The following NSL1 variants were observed in gnomAD, a reference collection of about 807,000 sequenced individuals.
NSL1 encodes kinetochore-associated protein NSL1 homolog.
NSL1 carries 11 observed loss-of-function variants against 25.4 expected under a neutral mutation model. The observed-to-expected ratio is 0.43, with a 90% CI of 0.27 to 0.72. The LOEUF (loss-of-function observed/expected upper bound fraction) is 0.72, where lower values mean the gene tolerates loss of function less well. NSL1 is among the 30% of genes least tolerant of loss of function. NSL1 has a pLI of 0.19. For synonymous variants in NSL1, 118 were observed against 120.6 expected, an observed-to-expected ratio of 0.98 and a Z score of 0.14; for missense variants, 330 against 342.7, an observed-to-expected ratio of 0.96 and a Z score of 0.29.
intron 4 of NSL1, among the ~76,000 whole-genome samples, chr1:212,772,334 A>C (rs536792966): frequency 6.6e-6 from 1 of 152,224 alleles, no homozygotes; most frequent in East Asian, 1.9e-4. Context: ...ATTCCTACCA[A>C]AATACCAATA....
chr1:212,727,301 C>G lies in NSL1; in HGVS notation c.*11107G>C, dbSNP rs1020595358. 4.6e-6 allele frequency: 6 copies of G among 1,300,990 alleles called. No individual in the cohort carries two copies. In the African/African-American group the frequency reaches 9.2e-5, roughly 20 times the overall value. 80.6% of individuals were successfully genotyped at this position (1,300,990 alleles called of 1,614,324 possible). ...TCACAACCCTTTGTTCCAGGCAGGG[C>G]CCAGGATCCCCTTCCAAATTACTGA... On this transcript the variant is annotated 3_prime_UTR_variant, in exon 6 of 6. Transcript: ENST00000366977.
rs1658051326 is a variant in NSL1, at chr1:212,732,229, T to C, written c.*6179A>G. The C allele has an allele frequency of 1.0e-6, 1 of 982,028 alleles. No individual in the cohort carries two copies. Among genetic ancestry groups the C allele is most frequent in the Non-Finnish European group, 1.2e-6 (1 of 826,908 alleles). The allele number at this position is 982,028 out of a possible 1,614,324, so 60.8% of individuals were successfully genotyped here. A position where few individuals can be genotyped will look rare whatever the true frequency, so the allele number is the denominator to read the frequency against. ...ATCATATTACAAAACATCTCCTTTA[T>C]ACAATTTTCTGCATAGTTAACATTA... On this transcript the variant is annotated 3_prime_UTR_variant, in exon 6 of 6. Coordinates refer to ENST00000366977, the MANE Select transcript of NSL1 (RefSeq NM_015471.4).
In NSL1 at chr1:212,731,012, G is replaced by A. The variant is rs1437872976; in HGVS notation, c.*7396C>T. On this transcript the variant is annotated 3_prime_UTR_variant, in exon 6 of 6. Transcript: ENST00000366977. ...ATGAGCAATGTAGAGACACAGCAAC[G>A]AATTACAAGGGATTCTTTACCCCTG... 6.1e-6 allele frequency: 6 copies of A among 985,344 alleles called. No individual in the cohort carries two copies. The highest frequency in any genetic ancestry group is 1.1e-4 in the East Asian group (1 of 8,822). The allele number at this position is 985,344 out of a possible 1,614,324, so 61.0% of individuals were successfully genotyped here.
At position 212,730,418 on chromosome 1, in the gene NSL1, A is replaced by C; in HGVS notation, c.*7990T>G. 1.0e-6 allele frequency: 1 copy of C among 985,284 alleles called. No homozygotes were observed. The highest frequency in any genetic ancestry group is 4.7e-5 in the South Asian group (1 of 21,270). 61.0% of individuals were successfully genotyped at this position (985,284 alleles called of 1,614,324 possible). ...GGGCCACAGAGCTACATGAATGGGC[A>C]CCAAGGGAGGTCTTAAAATCTGCAA... is the stretch of plus-strand genomic sequence containing the variant. On this transcript the variant is annotated 3_prime_UTR_variant, in exon 6 of 6. Transcript: ENST00000366977.
At chr1:212,776,318 G>A (rs1000778212) in intron 4 of NSL1, among the ~76,000 whole-genome samples, 3 of 151,484 alleles carry the variant, frequency 2.0e-5, no homozygotes, top group South Asian at 2.1e-4. Context: ...AACCAAGATC[G>A]CGCCATTGCA....
At chr1:212,769,608 T>C (rs1250005275) in intron 4 of NSL1, among the ~76,000 whole-genome samples, 1 of 152,160 alleles carries the variant, frequency 6.6e-6, no homozygotes. Context: ...CTCCAAAAAA[T>C]GCTTAAGGAA....
Position 212,787,544 on chromosome 1 carries a change from G to T in NSL1, c.313+15C>A, listed in dbSNP as rs745359501. The T allele has an allele frequency of 6.4e-7, 1 of 1,565,384 alleles. No homozygotes were observed. Among genetic ancestry groups the T allele is most frequent in the Admixed American group, 2.0e-5 (1 of 50,242 alleles). On this transcript the variant is annotated intron_variant, in intron 2 of 5. Transcript: ENST00000366977. ...ATAACCCAGAAATTAATAATGGAAG[G>T]AAAAAGTCACATACCCATAAAACAA...
intron 4 of NSL1, among the ~76,000 whole-genome samples, chr1:212,744,706 A>G (rs1281458735): frequency 1.3e-5 from 2 of 152,232 alleles, no homozygotes; most frequent in Non-Finnish European, 2.9e-5. Context: ...GCTAAAAAGT[A>G]TAATAACTGA....
Position 212,728,090 on chromosome 1 carries a change from C to G in NSL1, c.*10318G>C. ...CAGGCACTTCCCTTCTCATCTCCAC[C>G]TCTTTCTCATGAAATGGGCGTGGTA... On this transcript the variant is annotated 3_prime_UTR_variant, in exon 6 of 6. Transcript: ENST00000366977. 2.0e-6 allele frequency: 2 copies of G among 984,108 alleles called. No individual in the cohort carries two copies. Among genetic ancestry groups the G allele is most frequent in the African/African-American group, 1.7e-5 (1 of 57,314 alleles). 61.0% of individuals were successfully genotyped at this position (984,108 alleles called of 1,614,324 possible).
At position 212,732,588 on chromosome 1, in the gene NSL1, C is replaced by T. The variant is rs1658069378; in HGVS notation, c.*5820G>A. The T allele has an allele frequency of 7.1e-6, 7 of 984,428 alleles. No individual in the cohort carries two copies. Among genetic ancestry groups the T allele is most frequent in the Non-Finnish European group, 8.4e-6 (7 of 829,150 alleles). The allele number at this position is 984,428 out of a possible 1,614,324, so 61.0% of individuals were successfully genotyped here. On this transcript the variant is annotated 3_prime_UTR_variant, in exon 6 of 6. Transcript: ENST00000366977. ...GGATTACAGGTGTGAGCCACCGCAC[C>T]CGGCCTACATAGTCTTATTCCAACC...
At chr1:212,779,433 G>C (rs12759411) in intron 4 of NSL1, among the ~76,000 whole-genome samples, 1 of 134,926 alleles carries the variant, frequency 7.4e-6, no homozygotes, top group African/African-American at 2.9e-5. Context: ...GGTGAGGGGC[G>C]CCTCTGCCCG....
At position 212,731,424 on chromosome 1, in the gene NSL1, C is replaced by T. The variant is rs113374255; in HGVS notation, c.*6984G>A. On this transcript the variant is annotated 3_prime_UTR_variant, in exon 6 of 6. Transcript: ENST00000366977. ...TAAACTAGCCGGGCATGGTGGCACA[C>T]GCCTGTTTTGAAACCCTGAGAAAGC... 3,277 of 985,224 alleles carry T rather than the reference C, an allele frequency of 3.3e-3. 87 individuals are homozygous for T. The African/African-American group carries it at 0.054, about 16-fold the overall frequency. 61.0% of individuals were successfully genotyped at this position (985,224 alleles called of 1,614,324 possible). A position where few individuals can be genotyped will look rare whatever the true frequency, so the allele number is the denominator to read the frequency against.
chr1:212,752,020 C>A (rs1298367805), intron 4 of NSL1, among the ~76,000 whole-genome samples: 1 of 152,186 alleles, frequency 6.6e-6, no homozygotes, highest in East Asian at 1.9e-4. Flanking sequence ...TTCTCAATGT[C>A]TTCTCTCTAG....
At chr1:212,759,329 G>A (rs1431116627) in intron 4 of NSL1, among the ~76,000 whole-genome samples, 1 of 152,172 alleles carries the variant, frequency 6.6e-6, no homozygotes, top group East Asian at 1.9e-4. Context: ...GGACTAAACA[G>A]TGGGTAGATA....
intron 4 of NSL1, among the ~76,000 whole-genome samples, chr1:212,755,896 T>A (rs1271440221): frequency 6.6e-6 from 1 of 152,184 alleles, no homozygotes; most frequent in Admixed American, 6.5e-5. Context: ...ATGGAGGATG[T>A]CTACCATAAA....
At position 212,736,985 on chromosome 1, in the gene NSL1, C is replaced by T; in HGVS notation, c.*1423G>A. 1 of 984,428 alleles carries T rather than the reference C, an allele frequency of 1.0e-6. No homozygotes were observed. The highest frequency in any genetic ancestry group is 4.7e-5 in the South Asian group (1 of 21,260). The allele number at this position is 984,428 out of a possible 1,614,324, so 61.0% of individuals were successfully genotyped here. A position where few individuals can be genotyped will look rare whatever the true frequency, so the allele number is the denominator to read the frequency against. On this transcript the variant is annotated 3_prime_UTR_variant, in exon 6 of 6. Transcript: ENST00000366977. ...GACCTCTGAAGTGAAACAAATCATA[C>T]AGAATTTTAATACTATAAAAACATT... is the stretch of plus-strand genomic sequence containing the variant.
rs902002059 is a variant in NSL1, at chr1:212,732,230, A to G, written c.*6178T>C. Reference sequence around the variant, plus strand: ...TCATATTACAAAACATCTCCTTTATACAATTTTCTGCATAGTTAACATTAT... The same window carrying G: ...TCATATTACAAAACATCTCCTTTATGCAATTTTCTGCATAGTTAACATTAT... On this transcript the variant is annotated 3_prime_UTR_variant, in exon 6 of 6. Transcript: ENST00000366977. 8.1e-6 allele frequency: 8 copies of G among 981,598 alleles called. No individual in the cohort carries two copies. The highest frequency in any genetic ancestry group is 9.7e-6 in the Non-Finnish European group (8 of 826,960). The allele number at this position is 981,598 out of a possible 1,614,324, so 60.8% of individuals were successfully genotyped here. A position where few individuals can be genotyped will look rare whatever the true frequency, so the allele number is the denominator to read the frequency against.
At chr1:212,770,048 A>C (rs1388086597) in intron 4 of NSL1, among the ~76,000 whole-genome samples, 1 of 152,210 alleles carries the variant, frequency 6.6e-6, no homozygotes, top group African/African-American at 2.4e-5. Context: ...GGGAGTAGCT[A>C]TACTTAGATC....
Position 212,730,653 on chromosome 1 carries a change from C to T in NSL1, c.*7755G>A, listed in dbSNP as rs892225597. 9.2e-5 allele frequency: 91 copies of T among 985,248 alleles called. No homozygotes were observed. The highest frequency in any genetic ancestry group is 1.2e-4 in the African/African-American group (7 of 57,214). 61.0% of individuals were successfully genotyped at this position (985,248 alleles called of 1,614,324 possible). On this transcript the variant is annotated 3_prime_UTR_variant, in exon 6 of 6. Transcript: ENST00000366977. ...AAAAGGTGATCAGAAGGCAACTATA[C>T]CTGCTAGCACAGTGATGTCACTGAG...
Sources: gnomAD v4.1 joint callset for allele counts (sites outside exome capture counted in the v4.1 genomes callset) on GRCh38, gnomAD v4.1.1 for gene constraint, MANE v1.5 for transcripts, NCBI Gene and HGNC (gene_info 2026-07-23, HGNC 2026-07-21) for gene names.